Variants in RGS6 observed in about 807,000 individuals in gnomAD.
The protein encoded by RGS6 is regulator of G-protein signaling 6.
Under a neutral mutation model 78.5 loss-of-function variants are expected in RGS6, and 30 were observed. That is an observed-to-expected ratio of 0.38 (90% CI 0.29 to 0.52). RGS6 has a LOEUF of 0.52. Among genes scored for constraint, RGS6 ranks in the 20% least tolerant of loss-of-function variants. The pLI is 0.85. For synonymous variants in RGS6, 206 were observed against 206.0 expected (o/e 1.00, Z 0.00); for missense variants, 495 against 609.7 (o/e 0.81, Z 1.98).
chr14:72,501,163 G>A (rs1598394457), intron 13 of RGS6, among the ~76,000 whole-genome samples: 2 of 152,076 alleles, frequency 1.3e-5, no homozygotes, highest in South Asian at 2.1e-4. Flanking sequence ...GATTTCCAGG[G>A]CCCAGGATGT....
At chr14:72,231,196 A>G (rs2049484172) in intron 2 of RGS6, among the ~76,000 whole-genome samples, 1 of 152,186 alleles carries the variant, frequency 6.6e-6, no homozygotes, top group South Asian at 2.1e-4. Flanking sequence ...GTAAAGTGAC[A>G]AGAGCATCAA....
chr14:72,154,009 G>T (rs528477290), intron 2 of RGS6, among the ~76,000 whole-genome samples: 2 of 152,038 alleles, frequency 1.3e-5, no homozygotes, highest in African/African-American at 4.8e-5. Context: ...TATCTCAACC[G>T]CATAGGACAG....
chr14:72,413,526 C>G (rs1042138646), intron 3 of RGS6, among the ~76,000 whole-genome samples: 1 of 152,144 alleles, frequency 6.6e-6, no homozygotes, highest in African/African-American at 2.4e-5. Flanking sequence ...ATCCAATTTG[C>G]CAGTCTGTGT....
At chr14:72,061,331 G>A (rs1188029715) in intron 2 of RGS6, among the ~76,000 whole-genome samples, 1 of 152,130 alleles carries the variant, frequency 6.6e-6, no homozygotes, top group African/African-American at 2.4e-5. Context: ...CCGTGATTTG[G>A]CATACTCAGT....
At chr14:71,880,435 A>G in the RGS6 span, among the ~76,000 whole-genome samples, 18 of 152,296 alleles carry the variant, frequency 1.2e-4, no homozygotes, top group Middle Eastern at 3.4e-3. Context: ...CCCTCCTATC[A>G]CAGGCTCAGA....
chr14:72,133,402 A>G (rs1452242854), intron 2 of RGS6, among the ~76,000 whole-genome samples: 1 of 152,160 alleles, frequency 6.6e-6, no homozygotes, highest in Non-Finnish European at 1.5e-5. Flanking sequence ...TGCGATACAC[A>G]GGAAAGGGAA....
intron 2 of RGS6, among the ~76,000 whole-genome samples, chr14:71,982,046 T>A (rs1223126464): frequency 1.3e-5 from 2 of 152,208 alleles, no homozygotes; most frequent in South Asian, 2.1e-4. Context: ...GTGACCCGAT[T>A]TTCCAGGTGC....
rs557350584 is a variant in RGS6, at chr14:72,286,018, G to A, written c.85-66077G>A. On this transcript the variant is annotated intron_variant, in intron 2 of 17. Transcript: ENST00000553525. ...GCTGCACAGAGCTTTTTAATTTGAT[G>A]TAGTCCCACTTGCCTATTTTTGCTT... Among the ~76,000 whole-genome samples, 5 of 152,196 alleles carry A rather than the reference G, an allele frequency of 3.3e-5. No homozygotes were observed. The South Asian group carries it at 6.2e-4, about 19-fold the overall frequency.
chr14:72,319,199 C>G (rs2071159203), intron 2 of RGS6, among the ~76,000 whole-genome samples: 1 of 152,028 alleles, frequency 6.6e-6, no homozygotes, highest in African/African-American at 2.4e-5. Context: ...TTCCAACAGA[C>G]AAATCAAAAG....
chr14:71,944,635 A>G (rs1197974678), intron 1 of RGS6, among the ~76,000 whole-genome samples: 1 of 152,256 alleles, frequency 6.6e-6, no homozygotes, highest in Non-Finnish European at 1.5e-5. Flanking sequence ...GTTCAGAGAC[A>G]GCATTTTATC....
chr14:72,192,640 T>A (rs1276119307), intron 2 of RGS6, among the ~76,000 whole-genome samples: 1 of 152,222 alleles, frequency 6.6e-6, no homozygotes, highest in Non-Finnish European at 1.5e-5. Flanking sequence ...ACATCCTATT[T>A]GCACGTCTCT....
At chr14:72,467,767 C>T (rs530574231) in intron 7 of RGS6, among the ~76,000 whole-genome samples, 93 of 152,314 alleles carry the variant, frequency 6.1e-4, no homozygotes, top group Middle Eastern at 3.4e-3. Flanking sequence ...CCTGGTTGTT[C>T]TGTGGCTCTG....
intron 2 of RGS6, among the ~76,000 whole-genome samples, chr14:72,060,671 C>A (rs1022420959): frequency 6.6e-6 from 1 of 152,170 alleles, no homozygotes; most frequent in African/African-American, 2.4e-5. Context: ...GATCTTACAC[C>A]AAGTGCCTAC....
chr14:72,257,818 T>C (rs1039957808), intron 2 of RGS6, among the ~76,000 whole-genome samples: 5 of 152,106 alleles, frequency 3.3e-5, no homozygotes, highest in Admixed American at 6.5e-5. Flanking sequence ...CCTCCCCCTC[T>C]GTGTCATGAG....
chr14:72,333,824 T>A (rs757286094), intron 2 of RGS6, among the ~76,000 whole-genome samples: 5 of 152,162 alleles, frequency 3.3e-5, no homozygotes, highest in Non-Finnish European at 7.4e-5. Context: ...ACAATCTAGA[T>A]GCCCACTGGC....
intron 2 of RGS6, among the ~76,000 whole-genome samples, chr14:72,149,376 T>A (rs909673228): frequency 6.6e-6 from 1 of 152,116 alleles, no homozygotes; most frequent in African/African-American, 2.4e-5. Context: ...TGTTGAAGAA[T>A]TTGACAACAT....
intron 3 of RGS6, among the ~76,000 whole-genome samples, chr14:72,453,337 C>T (rs1597728944): frequency 6.6e-6 from 1 of 152,050 alleles, no homozygotes; most frequent in East Asian, 1.9e-4. Flanking sequence ...CCTTCAGGGC[C>T]GGGCGCGGTG....
At chr14:71,959,793 C>T (rs891388746) in intron 1 of RGS6, among the ~76,000 whole-genome samples, 2 of 152,110 alleles carry the variant, frequency 1.3e-5, no homozygotes, top group South Asian at 2.1e-4. Context: ...TGGTCAGTTT[C>T]GATATTCATT....
intron 17 of RGS6, chr14:72,552,853 T>G (rs1050035826): frequency 6.6e-6 from 1 of 152,110 alleles, no homozygotes; most frequent in Non-Finnish European, 1.5e-5. Context: ...GCCTTTTTCA[T>G]GGGGGAGAAT....
Sources: gnomAD v4.1 joint callset for allele counts (sites outside exome capture counted in the v4.1 genomes callset) on GRCh38, gnomAD v4.1.1 for gene constraint, MANE v1.5 for transcripts, NCBI Gene and HGNC (gene_info 2026-07-23, HGNC 2026-07-21) for gene names.